The following NEDD9 variants were observed in gnomAD, a reference collection of about 807,000 sequenced individuals.
NEDD9 encodes the protein neural precursor cell expressed, developmentally down-regulated 9.
In NEDD9, 26 loss-of-function variants were observed where a neutral mutation model predicts 76.6. The observed-to-expected ratio is 0.34, with a 90% CI of 0.25 to 0.47. The LOEUF is 0.47. Ranked by LOEUF, NEDD9 falls within the 20% of genes least tolerant of loss-of-function variation. NEDD9 has a pLI of 1.00. For synonymous variants in NEDD9, 392 were observed against 414.2 expected (o/e 0.95, Z 0.65); for missense variants, 937 against 1,058.5 (o/e 0.89, Z 1.59).
intron 2 of NEDD9, among the ~76,000 whole-genome samples, chr6:11,326,398 T>C (rs17499316): frequency 0.077 from 11,785 of 152,268 alleles, 549 homozygotes; most frequent in Non-Finnish European, 0.11. Context: ...GGTACTGATC[T>C]ACCAATTAAA....
intron 2 of NEDD9, among the ~76,000 whole-genome samples, chr6:11,322,819 T>C (rs1415796601): frequency 6.6e-6 from 1 of 152,218 alleles, no homozygotes; most frequent in African/African-American, 2.4e-5. Flanking sequence ...GGACCTGCAT[T>C]GTTTGCAAAC....
At chr6:11,279,440 A>T (rs915478356) in intron 3 of NEDD9, among the ~76,000 whole-genome samples, 3 of 152,232 alleles carry the variant, frequency 2.0e-5, no homozygotes, top group Non-Finnish European at 4.4e-5. Flanking sequence ...TTCTCCTGGA[A>T]ACGGTCCGCG....
chr6:11,355,896 AT>A (rs58539993), intron 1 of NEDD9, among the ~76,000 whole-genome samples: 5,372 of 151,356 alleles, frequency 0.035, 223 homozygotes, highest in African/African-American at 0.1. Context: ...AATTTTTTGT[AT>A]TTTTTAGTAG....
At chr6:11,211,268 G>A (rs992404716) in intron 2 of NEDD9, among the ~76,000 whole-genome samples, 3 of 152,194 alleles carry the variant, frequency 2.0e-5, no homozygotes, top group South Asian at 2.1e-4. Flanking sequence ...CTGGAAGGAC[G>A]GGGAGCCATG....
intron 2 of NEDD9, among the ~76,000 whole-genome samples, chr6:11,309,701 G>A (rs1761307523): frequency 6.6e-6 from 1 of 152,064 alleles, no homozygotes; most frequent in Non-Finnish European, 1.5e-5. Context: ...TAACATTAGT[G>A]TGTCACCACC....
chr6:11,195,364 G>A (rs1196660777), intron 2 of NEDD9, among the ~76,000 whole-genome samples: 1 of 152,144 alleles, frequency 6.6e-6, no homozygotes, highest in African/African-American at 2.4e-5. Context: ...TTATAGAATG[G>A]CCACTGTATT....
At chr6:11,262,166 C>G (rs1004463073) in intron 3 of NEDD9, among the ~76,000 whole-genome samples, 2 of 152,122 alleles carry the variant, frequency 1.3e-5, no homozygotes, top group African/African-American at 4.8e-5. Flanking sequence ...GCCTGCTGGC[C>G]CAGCTTCTAT....
At chr6:11,212,717 C>T (rs749218707) in intron 2 of NEDD9, among the ~76,000 whole-genome samples, 11 of 152,194 alleles carry the variant, frequency 7.2e-5, no homozygotes, top group Non-Finnish European at 2.9e-5. Context: ...TCCAATTCCA[C>T]TAGTATCTGT....
intron 3 of NEDD9, among the ~76,000 whole-genome samples, chr6:11,238,001 T>C (rs374398949): frequency 6.6e-6 from 1 of 152,234 alleles, no homozygotes; most frequent in Non-Finnish European, 1.5e-5. Flanking sequence ...ATTTCAAAAA[T>C]AATTGGAGGC....
At position 11,190,206 on chromosome 6, in the gene NEDD9, C is replaced by T. The variant is rs769877245; in HGVS notation, c.1663G>A (p.Ala555Thr). ...LTTTINTNAE[A>T]LFRPGPGSLH... The stretch of plus-strand genomic sequence containing the variant: ...CTGCCAGGGCCGGGTCTGAAGAGGG[C>T]CTCTGCGTTGGTGTTGATGGTTGTG... The change falls in exon 5 of 7, where the codon GCC becomes ACC. Residue 555 changes from alanine (A) to threonine (T), a missense_variant. Transcript: ENST00000379446. The surrounding 1 kb of genome is among the most constrained non-coding windows in gnomAD (Gnocchi z 5.8). 3 of 1,614,220 alleles carry T rather than the reference C, an allele frequency of 1.9e-6. No homozygotes were observed. Among genetic ancestry groups the T allele is most frequent in the Non-Finnish European group, 2.5e-6 (3 of 1,180,040 alleles).
intron 3 of NEDD9, among the ~76,000 whole-genome samples, chr6:11,249,871 G>A (rs369703156): frequency 3.3e-5 from 5 of 152,152 alleles, no homozygotes; most frequent in African/African-American, 1.2e-4. Context: ...CTTCCTTCTG[G>A]CTCCTGTGTC....
chr6:11,255,521 T>C (rs1759986919), intron 3 of NEDD9, among the ~76,000 whole-genome samples: 1 of 151,958 alleles, frequency 6.6e-6, no homozygotes, highest in Admixed American at 6.6e-5. Context: ...GGTGGGGGCC[T>C]GGGAGGAGAA....
At chr6:11,365,237 T>C (rs1348487971) in intron 1 of NEDD9, among the ~76,000 whole-genome samples, 1 of 152,162 alleles carries the variant, frequency 6.6e-6, no homozygotes, top group African/African-American at 2.4e-5. Context: ...TTCTTTCCAT[T>C]GAGGAAACCA....
In NEDD9 at chr6:11,323,910, C is replaced by T. The variant is rs1393598232; in HGVS notation, c.-153+10591G>A. Among the ~76,000 whole-genome samples, 4 of 152,350 alleles carry T rather than the reference C, an allele frequency of 2.6e-5. No individual in the cohort carries two copies. The East Asian group carries it at 7.7e-4, about 29-fold the overall frequency. ...AATCAGGAAAAGCATTCTTAGAACA[C>T]TAGAAAAGCAGAAGTGTGGCTCTCT... On this transcript the variant is annotated intron_variant, in intron 2 of 3. Coordinates refer to the NEDD9 transcript ENST00000397378.
chr6:11,295,601 T>A (rs1760871967), intron 3 of NEDD9, among the ~76,000 whole-genome samples: 1 of 152,192 alleles, frequency 6.6e-6, no homozygotes, highest in Non-Finnish European at 1.5e-5. Context: ...GGTGGCCTGT[T>A]TACAGTGACT....
At chr6:11,242,734 T>TGGG (rs201538799) in intron 3 of NEDD9, among the ~76,000 whole-genome samples, 3,357 of 152,246 alleles carry the variant, frequency 0.022, 74 homozygotes, top group East Asian at 0.12. Flanking sequence ...TCTCTGCAAG[T>TGGG]AAGTTCTGGC....
chr6:11,236,635 T>C (rs1250029623), upstream of NEDD9, among the ~76,000 whole-genome samples: 3 of 152,158 alleles, frequency 2.0e-5, no homozygotes, highest in Non-Finnish European at 4.4e-5. The surrounding 1 kb of genome is among the most constrained non-coding windows in gnomAD (Gnocchi z 5.5). Flanking sequence ...CCCCACCAGT[T>C]TGAGTTATAA....
chr6:11,206,377 C>G (rs1758617420), intron 2 of NEDD9, among the ~76,000 whole-genome samples: 1 of 152,074 alleles, frequency 6.6e-6, no homozygotes, highest in Non-Finnish European at 1.5e-5. Flanking sequence ...CAAGATTGCG[C>G]CATTGCATTC....
intron 1 of NEDD9, among the ~76,000 whole-genome samples, chr6:11,372,673 T>A (rs1406586257): frequency 6.6e-6 from 1 of 152,222 alleles, no homozygotes; most frequent in Non-Finnish European, 1.5e-5. Context: ...TTGCCTGACT[T>A]TTGCATATAA....
Sources: allele counts gnomAD v4.1 joint callset (sites outside exome capture counted in the v4.1 genomes callset), GRCh38; gene constraint gnomAD v4.1.1; non-coding constraint Gnocchi (gnomAD v3.1); transcripts MANE v1.5; gene names NCBI Gene and HGNC (gene_info 2026-07-23, HGNC 2026-07-21).